The following SGCZ variants were observed in gnomAD, a reference collection of about 807,000 sequenced individuals.
SGCZ encodes the protein sarcoglycan zeta.
In SGCZ, 40 loss-of-function variants were observed where a neutral mutation model predicts 41.3. The ratio of observed to expected loss-of-function variants is 0.97; its 90% CI spans 0.75 to 1.26. SGCZ has a LOEUF of 1.26. Among genes scored for constraint, SGCZ ranks in the 50% most tolerant of loss-of-function variants. The pLI, the probability that SGCZ is intolerant of heterozygous loss-of-function variation, is 0.00. For synonymous variants in SGCZ, 206 were observed against 137.5 expected (o/e 1.50, Z -3.49); for missense variants, 552 against 369.8 (o/e 1.49, Z -4.04).
intron 3 of SGCZ, among the ~76,000 whole-genome samples, chr8:14,290,112 G>A (rs1800789041): frequency 6.6e-6 from 1 of 152,032 alleles, no homozygotes; most frequent in African/African-American, 2.4e-5. Context: ...CTTGAGATGA[G>A]GTTTGGGTGG....
At chr8:14,151,062 T>C (rs536375195) in intron 5 of SGCZ, among the ~76,000 whole-genome samples, 45 of 152,248 alleles carry the variant, frequency 3.0e-4, no homozygotes, top group African/African-American at 9.6e-4. Flanking sequence ...TGGGAATGGT[T>C]ATTGAGTACA....
intron 1 of SGCZ, among the ~76,000 whole-genome samples, chr8:15,169,629 T>G (rs972394750): frequency 3.9e-5 from 6 of 152,216 alleles, no homozygotes; most frequent in African/African-American, 1.4e-4. Context: ...CAACCATTTA[T>G]TTCTTAGAAT....
At chr8:14,241,845 A>T (rs528379833) in intron 3 of SGCZ, among the ~76,000 whole-genome samples, 8 of 152,360 alleles carry the variant, frequency 5.3e-5, no homozygotes, top group African/African-American at 7.2e-5. Flanking sequence ...TTAGATAAAA[A>T]TAATGAAATA....
chr8:14,708,506 C>T (rs903719517), intron 1 of SGCZ, among the ~76,000 whole-genome samples: 15 of 151,466 alleles, frequency 9.9e-5, no homozygotes, highest in Non-Finnish European at 1.8e-4. Context: ...CAGATACAGA[C>T]ATTTGCCATT....
intron 1 of SGCZ, among the ~76,000 whole-genome samples, chr8:15,212,139 T>G (rs1214391769): frequency 6.6e-6 from 1 of 152,178 alleles, no homozygotes; most frequent in African/African-American, 2.4e-5. Context: ...GATGCCTAAA[T>G]AACAATATGT....
intron 1 of SGCZ, among the ~76,000 whole-genome samples, chr8:15,146,402 A>G (rs1799038758): frequency 1.3e-5 from 2 of 152,146 alleles, no homozygotes; most frequent in Middle Eastern, 6.3e-3. Flanking sequence ...GAGTCTCCAT[A>G]TTGTCCAAGT....
rs933830324 is a variant in SGCZ at position 14,808,673 on chromosome 8, G to A, written c.40-253747C>T. On this transcript the variant is annotated intron_variant, in intron 1 of 7. Coordinates refer to ENST00000382080, the MANE Select transcript of SGCZ (RefSeq NM_139167.4). ...CAACCATTGTGGAAGTCAGTGTGGCGATTCCTCAGGGATCTAGAACTAGAA... is the reference window on the plus strand; with the variant it reads ...CAACCATTGTGGAAGTCAGTGTGGCAATTCCTCAGGGATCTAGAACTAGAA... 1.5e-4 allele frequency among the ~76,000 whole-genome samples: 23 copies of A among 152,174 alleles called. No homozygotes were observed. The South Asian group carries it at 1.9e-3, about 12-fold the overall frequency.
intron 2 of SGCZ, among the ~76,000 whole-genome samples, chr8:14,549,255 T>G (rs1312481638): frequency 6.6e-6 from 1 of 152,054 alleles, no homozygotes; most frequent in Non-Finnish European, 1.5e-5. Context: ...GACTGTACTT[T>G]CACTGAAAAA....
At chr8:14,996,387 A>G (rs1802221017) in intron 1 of SGCZ, among the ~76,000 whole-genome samples, 1 of 152,126 alleles carries the variant, frequency 6.6e-6, no homozygotes, top group Admixed American at 6.6e-5. Context: ...TAGCAGCCTG[A>G]TGATATTTTA....
intron 1 of SGCZ, among the ~76,000 whole-genome samples, chr8:14,598,550 CAG>C (rs2117305404): frequency 6.6e-6 from 1 of 151,012 alleles, no homozygotes; most frequent in South Asian, 2.1e-4. Flanking sequence ...TTTTCCTAGA[CAG>C]GGGTCCACTC....
intron 1 of SGCZ, among the ~76,000 whole-genome samples, chr8:14,715,635 A>C (rs138699992): frequency 2.6e-5 from 4 of 152,102 alleles, no homozygotes; most frequent in Non-Finnish European, 5.9e-5. Flanking sequence ...TACGAAAATT[A>C]TGTCTGATAA....
chr8:14,533,604 T>C (rs1199484922), intron 2 of SGCZ, among the ~76,000 whole-genome samples: 1 of 151,972 alleles, frequency 6.6e-6, no homozygotes, highest in Non-Finnish European at 1.5e-5. Flanking sequence ...AGTGCAAAAT[T>C]TGAAAGAGTG....
At chr8:14,870,746 C>T (rs1470192049) in intron 1 of SGCZ, among the ~76,000 whole-genome samples, 1 of 151,948 alleles carries the variant, frequency 6.6e-6, no homozygotes, top group African/African-American at 2.4e-5. Context: ...AAAGACAACC[C>T]TGTCAAAAAG....
In SGCZ at chr8:14,242,606, C is replaced by T. The variant is rs530277574; in HGVS notation, c.337-4927G>A. On this transcript the variant is annotated intron_variant, in intron 3 of 7. Transcript: ENST00000382080. ...ACAGATCAGAGCCTCCCTCTGTTGA[C>T]GGCAATGTGTGCTTTTATGATTTAT... 2.9e-4 allele frequency among the ~76,000 whole-genome samples: 44 copies of T among 152,226 alleles called. 1 individual carries two copies. Among genetic ancestry groups the T allele is most frequent in the African/African-American group, 7.9e-4 (33 of 41,542 alleles).
intron 2 of SGCZ, among the ~76,000 whole-genome samples, chr8:14,406,312 T>C (rs991695922): frequency 6.6e-6 from 1 of 152,126 alleles, no homozygotes; most frequent in East Asian, 1.9e-4. Context: ...CCCCACTCTA[T>C]TCACTTTCTT....
intron 3 of SGCZ, among the ~76,000 whole-genome samples, chr8:14,316,763 C>G (rs193035605): frequency 2.4e-4 from 36 of 150,976 alleles, no homozygotes; most frequent in Non-Finnish European, 4.4e-4. Context: ...CTTATAATTC[C>G]CATCTATTCT....
intron 1 of SGCZ, among the ~76,000 whole-genome samples, chr8:14,761,486 T>G (rs541768878): frequency 6.6e-6 from 1 of 151,162 alleles, no homozygotes; most frequent in Non-Finnish European, 1.5e-5. Context: ...CTCTCAAGAT[T>G]AATTGTACAT....
intron 1 of SGCZ, among the ~76,000 whole-genome samples, chr8:14,952,528 G>C (rs970162858): frequency 6.6e-6 from 1 of 152,180 alleles, no homozygotes; most frequent in East Asian, 1.9e-4. Context: ...CGATAATGTT[G>C]ATAAATTTGC....
At chr8:14,902,124 G>C (rs1321794744) in intron 1 of SGCZ, among the ~76,000 whole-genome samples, 1 of 152,012 alleles carries the variant, frequency 6.6e-6, no homozygotes, top group African/African-American at 2.4e-5. Context: ...TCACTCCTTA[G>C]CTCTGGTAGG....
Sources: allele counts gnomAD v4.1 joint callset (sites outside exome capture counted in the v4.1 genomes callset), GRCh38; gene constraint gnomAD v4.1.1; transcripts MANE v1.5; gene names NCBI Gene and HGNC (gene_info 2026-07-23, HGNC 2026-07-21).